The following KAT6B variants were observed in gnomAD, a reference collection of about 807,000 sequenced individuals.
KAT6B encodes the protein histone acetyltransferase KAT6B.
In KAT6B, 10 loss-of-function variants were observed where a neutral mutation model predicts 187.5. That is an observed-to-expected ratio of 0.05 (90% confidence interval 0.03 to 0.09). KAT6B has a LOEUF of 0.09. Among genes scored for constraint, KAT6B ranks in the 10% least tolerant of loss-of-function variants. The pLI, the probability that KAT6B is intolerant of heterozygous loss-of-function variation, is 1.00. For missense variants in KAT6B, 1,952 were observed against 2,558.9 expected (o/e 0.76, Z 5.12); for synonymous variants, 861 against 926.8 (o/e 0.93, Z 1.29).
rs1233878591 is a variant in KAT6B, at chr10:74,859,640, A to C, written c.621+16162A>C. Reference sequence around the variant, plus strand: ...AGGTTTTGGAAATTCTGACTAATCCAGTTGTTGAAGAATAACTAGTTAGCT... The same window carrying C: ...AGGTTTTGGAAATTCTGACTAATCCCGTTGTTGAAGAATAACTAGTTAGCT... On this transcript the variant is annotated intron_variant, in intron 3 of 17. Transcript: ENST00000287239. Among the ~76,000 whole-genome samples the C allele has an allele frequency of 2.0e-5, 3 of 152,228 alleles. No individual in the cohort carries two copies. In the East Asian group the frequency reaches 5.8e-4, roughly 29 times the overall value.
rs181277151 is a variant in KAT6B at position 74,985,822 on chromosome 10, G to A, written c.2535+581G>A. Among the ~76,000 whole-genome samples the A allele has an allele frequency of 5.3e-5, 8 of 152,212 alleles. No homozygotes were observed. In the East Asian group the frequency reaches 9.7e-4, roughly 18 times the overall value. ...AGGACTTTGGGAGGCCGGGGTGGGC[G>A]GATCATGAGGTCGAGAGATAGAGAC... On this transcript the variant is annotated intron_variant, in intron 12 of 17. Coordinates refer to ENST00000287239, the MANE Select transcript of KAT6B (RefSeq NM_012330.4).
chr10:74,985,219 A>G lies in KAT6B; in HGVS notation c.2513A>G (p.His838Arg). The change falls in exon 12 of 18, where the codon CAT (histidine) becomes CGT (arginine). Residue 838 changes from histidine (H) to arginine (R), a missense_variant. Transcript: ENST00000287239. ...VLTKNDEKGC[H>R]LVGYFSKEKL... Reference sequence around the variant, plus strand: ...ACAAAAAATGATGAAAAGGGCTGTCATCTGGTTGGATACTTCTCTAAGGTA... The same window carrying G: ...ACAAAAAATGATGAAAAGGGCTGTCGTCTGGTTGGATACTTCTCTAAGGTA... The G allele has an allele frequency of 2.5e-6, 4 of 1,614,134 alleles. No individual in the cohort carries two copies. The highest frequency in any genetic ancestry group is 1.1e-5 in the South Asian group (1 of 91,076).
At chr10:74,952,045 A>G (rs569203310) in intron 3 of KAT6B, among the ~76,000 whole-genome samples, 25 of 152,312 alleles carry the variant, frequency 1.6e-4, no homozygotes, top group African/African-American at 5.5e-4. Context: ...TGGTCAGTGC[A>G]ATGAAGAAAA....
intron 3 of KAT6B, among the ~76,000 whole-genome samples, chr10:74,948,866 CA>C (rs1444850118): frequency 3.3e-5 from 5 of 152,326 alleles, no homozygotes; most frequent in African/African-American, 1.2e-4. Flanking sequence ...GCATTGTTTT[CA>C]GAATCTAGTG....
chr10:75,009,776 C>A (rs565194502), intron 13 of KAT6B, among the ~76,000 whole-genome samples: 6 of 152,270 alleles, frequency 3.9e-5, no homozygotes, highest in Admixed American at 3.3e-4. Flanking sequence ...GAGGCTGGGG[C>A]AGGCAGATCA....
chr10:74,944,990 C>T (rs751111411), intron 3 of KAT6B, among the ~76,000 whole-genome samples: 27 of 152,106 alleles, frequency 1.8e-4, no homozygotes, highest in Non-Finnish European at 3.2e-4. Flanking sequence ...TAAACCTACA[C>T]TTAACCGTAT....
intron 1 of KAT6B, among the ~76,000 whole-genome samples, chr10:74,829,443 A>G: frequency 6.6e-6 from 1 of 151,774 alleles, no homozygotes; most frequent in Non-Finnish European, 1.5e-5. Context: ...TTGTACTGAG[A>G]GAAAAGGAAA....
chr10:74,885,264 G>T (rs1443198930), intron 3 of KAT6B, among the ~76,000 whole-genome samples: 1 of 151,914 alleles, frequency 6.6e-6, no homozygotes, highest in Non-Finnish European at 1.5e-5. Flanking sequence ...TAGATATGGG[G>T]TCTCTCTATG....
chr10:74,882,605 T>C (rs1844930356), intron 3 of KAT6B, among the ~76,000 whole-genome samples: 1 of 152,244 alleles, frequency 6.6e-6, no homozygotes, highest in Admixed American at 6.5e-5. Context: ...TTTCCAGACC[T>C]ATTTCCTAAT....
chr10:74,828,750 G>T (rs538391118), intron 1 of KAT6B, among the ~76,000 whole-genome samples: 2 of 151,706 alleles, frequency 1.3e-5, no homozygotes, highest in South Asian at 2.1e-4. Flanking sequence ...TGTATATTTA[G>T]TAGAGACGGG....
At chr10:74,977,845 T>A (rs1424124410) in intron 9 of KAT6B, among the ~76,000 whole-genome samples, 1 of 152,100 alleles carries the variant, frequency 6.6e-6, no homozygotes, top group Non-Finnish European at 1.5e-5. Flanking sequence ...ATATGAAAAA[T>A]GTCTCATATT....
At chr10:74,936,361 C>T (rs1221784690) in intron 3 of KAT6B, among the ~76,000 whole-genome samples, 1 of 151,506 alleles carries the variant, frequency 6.6e-6, no homozygotes. Flanking sequence ...CAAGACTGCG[C>T]CACTGCACTC....
chr10:75,028,644 T>C lies in KAT6B; in HGVS notation c.3820T>C (p.Tyr1274His). Reference sequence around the variant, plus strand: ...GAAGACCGGATTTAAACTGAATTTGTACACCCCGCCAGAAACACCCATGGA... The same window carrying C: ...GAAGACCGGATTTAAACTGAATTTGCACACCCCGCCAGAAACACCCATGGA... ...ERKTGFKLNL[Y>H]TPPETPMEPD... Residue 1274 changes from tyrosine to histidine, a missense_variant, in exon 18 of 18, where the codon TAC (tyrosine) becomes CAC (histidine). This residue lies in a region of KAT6B where 758 missense variants were observed against 891.4 expected (regional missense o/e 0.85). Coordinates refer to ENST00000287239, the MANE Select transcript of KAT6B (RefSeq NM_012330.4). 6.2e-7 allele frequency: 1 copy of C among 1,614,068 alleles called. No individual in the cohort carries two copies. The highest frequency in any genetic ancestry group is 8.5e-7 in the Non-Finnish European group (1 of 1,180,036).
intron 3 of KAT6B, among the ~76,000 whole-genome samples, chr10:74,938,815 C>T (rs757453949): frequency 3.3e-5 from 5 of 152,088 alleles, no homozygotes; most frequent in Non-Finnish European, 5.9e-5. Flanking sequence ...CGGCTCACTG[C>T]AACCTCTGCC....
chr10:74,959,881 A>G, intron 3 of KAT6B, 89 bp from the exon 4 acceptor site: 1 of 866,950 alleles, frequency 1.2e-6, no homozygotes, highest in Non-Finnish European at 1.9e-6. Context: ...AAGAAGCTTT[A>G]AGTGAAAAAT....
intron 3 of KAT6B, among the ~76,000 whole-genome samples, chr10:74,874,949 A>G (rs1213737137): frequency 6.6e-6 from 1 of 152,090 alleles, no homozygotes; most frequent in Non-Finnish European, 1.5e-5. Context: ...ACCCCTACAC[A>G]TGCACAATTT....
intron 12 of KAT6B, among the ~76,000 whole-genome samples, chr10:74,985,581 A>G (rs1252495504): frequency 6.6e-6 from 1 of 152,202 alleles, no homozygotes; most frequent in South Asian, 2.1e-4. Context: ...TGTAGCATTT[A>G]AGAGAGAATT....
At chr10:74,826,088 G>A, upstream of KAT6B, among the ~76,000 whole-genome samples, 1 of 149,348 alleles carries the variant, frequency 6.7e-6, no homozygotes, top group East Asian at 2.1e-4. Context: ...TGCGGCCGCC[G>A]CCAGCGATCA....
chr10:74,831,085 G>A (rs567363381), intron 1 of KAT6B, among the ~76,000 whole-genome samples: 3 of 151,946 alleles, frequency 2.0e-5, no homozygotes, highest in South Asian at 2.1e-4. Flanking sequence ...CTCTGCACCC[G>A]GCCAGCTCTT....
Sources: gnomAD v4.1 joint callset for allele counts (sites outside exome capture counted in the v4.1 genomes callset) on GRCh38, gnomAD v4.1.1 for gene constraint, gnomAD v4.1.1 regional missense constraint, MANE v1.5 for transcripts, NCBI Gene and HGNC (gene_info 2026-07-23, HGNC 2026-07-21) for gene names.